Variants in FAM107B observed in about 807,000 individuals in gnomAD.
FAM107B encodes family with sequence similarity 107 member B.
FAM107B carries 21 observed loss-of-function variants against 31.5 expected under a neutral mutation model. The ratio of observed to expected loss-of-function variants is 0.67; its 90% CI spans 0.47 to 0.96. The LOEUF (loss-of-function observed/expected upper bound fraction) is 0.96, where lower values mean the gene tolerates loss of function less well. Ranked by LOEUF, FAM107B falls within the 40% of genes least tolerant of loss-of-function variation. The pLI is 0.00. For synonymous variants in FAM107B, 157 were observed against 141.5 expected, an observed-to-expected ratio of 1.11 and a Z score of -0.78; for missense variants, 452 against 377.1, an observed-to-expected ratio of 1.20 and a Z score of -1.64.
intron 2 of FAM107B, among the ~76,000 whole-genome samples, chr10:14,574,293 A>G (rs1332807345): frequency 6.6e-6 from 1 of 152,252 alleles, no homozygotes; most frequent in East Asian, 1.9e-4. Flanking sequence ...CACAATATGT[A>G]TGCACGGTGG....
chr10:14,582,532 C>T (rs1564585729), intron 2 of FAM107B, among the ~76,000 whole-genome samples: 1 of 151,808 alleles, frequency 6.6e-6, no homozygotes. Flanking sequence ...CGCCTGCCAC[C>T]ACACCCGGCT....
At chr10:14,625,868 TA>T (rs58736805) in intron 2 of FAM107B, among the ~76,000 whole-genome samples, 5 of 108,910 alleles carry the variant, frequency 4.6e-5, no homozygotes, top group African/African-American at 1.5e-4. Context: ...GCTCATGGAT[TA>T]AAAAAAAAAA....
intron 1 of FAM107B, among the ~76,000 whole-genome samples, chr10:14,672,569 T>A (rs1245009736): frequency 6.6e-6 from 1 of 152,204 alleles, no homozygotes; most frequent in Non-Finnish European, 1.5e-5. Context: ...AAAAAGATAG[T>A]TTATAACCTG....
At chr10:14,723,827 T>C (rs2131552312) in intron 1 of FAM107B, 3 of 756,624 alleles carry the variant, frequency 4.0e-6, no homozygotes, top group Non-Finnish European at 7.3e-6. Flanking sequence ...CTGGAGGACA[T>C]GACACTGACA....
intron 2 of FAM107B, among the ~76,000 whole-genome samples, chr10:14,574,026 A>T (rs1564581081): frequency 6.6e-6 from 1 of 152,202 alleles, no homozygotes; most frequent in Non-Finnish European, 1.5e-5. Context: ...GAAATGCCAC[A>T]AGACCAGGGT....
At chr10:14,554,124 T>G (rs1187972882) in intron 2 of FAM107B, 46 of 985,294 alleles carry the variant, frequency 4.7e-5, no homozygotes, top group Admixed American at 6.1e-5. Flanking sequence ...GCATCTCAGA[T>G]AAGCTGGCCT....
At position 14,680,906 on chromosome 10, in the gene FAM107B, C is replaced by A. The variant is rs117658241; in HGVS notation, c.412-13215G>T. ...CACAGTGGTTGATCTCAGCAGCATT[C>A]CCTAATCAACATTATACCTTAGCAC... On this transcript the variant is annotated intron_variant, in intron 1 of 4. Coordinates refer to ENST00000181796, the MANE Select transcript of FAM107B (RefSeq NM_031453.4). 2.8e-3 allele frequency among the ~76,000 whole-genome samples: 423 copies of A among 152,204 alleles called. 1 individual carries two copies. The highest frequency in any genetic ancestry group is 2.5e-3 in the Non-Finnish European group (172 of 68,008).
intron 2 of FAM107B, among the ~76,000 whole-genome samples, chr10:14,626,083 G>A (rs1189668197): frequency 6.6e-6 from 1 of 152,136 alleles, no homozygotes; most frequent in East Asian, 1.9e-4. Flanking sequence ...TTAAGACCGT[G>A]GTTGTTTTGA....
intron 2 of FAM107B, chr10:14,532,762 C>A (rs1473213851): frequency 6.6e-6 from 1 of 152,230 alleles, no homozygotes; most frequent in Non-Finnish European, 1.5e-5. Context: ...ACCAAGAAGG[C>A]TACACACTTC....
chr10:14,623,006 T>A (rs1199642180), intron 2 of FAM107B, among the ~76,000 whole-genome samples: 2 of 152,212 alleles, frequency 1.3e-5, no homozygotes, highest in Non-Finnish European at 2.9e-5. Context: ...TAAAGCATCC[T>A]TCTTGACTGA....
At chr10:14,678,270 C>G (rs1258175878) in intron 1 of FAM107B, among the ~76,000 whole-genome samples, 2 of 152,138 alleles carry the variant, frequency 1.3e-5, no homozygotes, top group Non-Finnish European at 2.9e-5. Flanking sequence ...CTTTGCACCT[C>G]CCAGAGTGGA....
chr10:14,714,305 C>T (rs1855732174), intron 1 of FAM107B, among the ~76,000 whole-genome samples: 1 of 152,094 alleles, frequency 6.6e-6, no homozygotes. Context: ...GGCCATGTCC[C>T]TGGACCCCTA....
At chr10:14,768,291 A>G (rs1048597575) in intron 1 of FAM107B, among the ~76,000 whole-genome samples, 6 of 152,206 alleles carry the variant, frequency 3.9e-5, no homozygotes, top group African/African-American at 1.4e-4. Context: ...AAATAGAAAA[A>G]TTCGTCCTAA....
intron 2 of FAM107B, among the ~76,000 whole-genome samples, chr10:14,578,729 AC>A (rs1395224486): frequency 6.6e-6 from 1 of 152,238 alleles, no homozygotes; most frequent in East Asian, 1.9e-4. Context: ...CAAAAGAAAA[AC>A]AGAACTATTT....
intron 2 of FAM107B, chr10:14,572,057 A>C (rs10906699): frequency 0.82 from 809,963 of 985,130 alleles, 334,248 homozygotes; most frequent in Middle Eastern, 0.86. Context: ...AACCATCCCC[A>C]CAAAGAACTC....
intron 1 of FAM107B, among the ~76,000 whole-genome samples, chr10:14,757,822 C>T (rs1041379432): frequency 6.6e-6 from 1 of 152,202 alleles, no homozygotes; most frequent in Non-Finnish European, 1.5e-5. Context: ...GGAATCCATT[C>T]TAGAGAAGGA....
intron 2 of FAM107B, among the ~76,000 whole-genome samples, chr10:14,656,810 GCTTCAATTTGTGCACA>G (rs1410541307): frequency 1.3e-5 from 2 of 152,296 alleles, no homozygotes; most frequent in East Asian, 3.9e-4. Flanking sequence ...AGGCAATTCT[GCTTCAATTTGTGCACA>G]CTGAAAATTT....
Position 14,739,976 on chromosome 10 carries a change from G to A in FAM107B, c.411+34277C>T, listed in dbSNP as rs757669505. 6.6e-4 allele frequency among the ~76,000 whole-genome samples: 100 copies of A among 152,186 alleles called. 1 individual carries two copies. The highest frequency in any genetic ancestry group is 2.1e-4 in the South Asian group (1 of 4,830). On this transcript the variant is annotated intron_variant, in intron 1 of 4. Coordinates refer to ENST00000181796, the MANE Select transcript of FAM107B (RefSeq NM_031453.4). ...TTATGCACTGACAACATCAAATTGC[G>A]GAGAAGATATAGAGCAACAGGAATG...
At chr10:14,596,822 C>T (rs1399153424) in intron 2 of FAM107B, among the ~76,000 whole-genome samples, 2 of 152,154 alleles carry the variant, frequency 1.3e-5, no homozygotes, top group East Asian at 3.9e-4. Context: ...CATGCTGTTC[C>T]AATTCCAGAG....
Sources: allele counts gnomAD v4.1 joint callset (sites outside exome capture counted in the v4.1 genomes callset), GRCh38; gene constraint gnomAD v4.1.1; transcripts MANE v1.5; gene names NCBI Gene and HGNC (gene_info 2026-07-23, HGNC 2026-07-21).